The following HS3ST3A1 variants were observed in gnomAD, a reference collection of about 807,000 sequenced individuals.
HS3ST3A1 encodes the protein heparan sulfate-glucosamine 3-sulfotransferase 3A1.
A neutral mutation model predicts 25.7 loss-of-function variants in HS3ST3A1; 19 were observed. The observed-to-expected ratio is 0.74, with a 90% confidence interval of 0.52 to 1.08. HS3ST3A1 has a LOEUF of 1.08. Among genes scored for constraint, HS3ST3A1 ranks in the 50% least tolerant of loss-of-function variants. The pLI is 0.00. For missense variants in HS3ST3A1, 459 were observed against 594.3 expected, an observed-to-expected ratio of 0.77 and a Z score of 2.37; for synonymous variants, 226 against 278.6, an observed-to-expected ratio of 0.81 and a Z score of 1.88.
At position 13,593,453 on chromosome 17, in the gene HS3ST3A1, G is replaced by A. The variant is rs535652876; in HGVS notation, c.599+7078C>T. On this transcript the variant is annotated intron_variant, in intron 1 of 1. Transcript: ENST00000284110. ...GAATACAAAACTGTCTCTGTGCTTG[G>A]TTCGGAAACAAGAGAGTAGGAGGGA... is the stretch of plus-strand genomic sequence containing the variant. 2.0e-5 allele frequency among the ~76,000 whole-genome samples: 3 copies of A among 152,256 alleles called. No individual in the cohort carries two copies. The East Asian group carries it at 5.8e-4, about 29-fold the overall frequency.
Position 13,601,458 on chromosome 17 carries a change from A to C in HS3ST3A1, c.-329T>G. On this transcript the variant is annotated 5_prime_UTR_variant, in exon 1 of 2. Transcript: ENST00000284110. ...TCGGTTCCCCGCAAGAGTCGCCGGAATCGGGGTCTTGGCAGCGGTGTCGAA... is the reference window on the plus strand; with the variant it reads ...TCGGTTCCCCGCAAGAGTCGCCGGACTCGGGGTCTTGGCAGCGGTGTCGAA... 3.9e-6 allele frequency: 1 copy of C among 253,512 alleles called. No homozygotes were observed. The highest frequency in any genetic ancestry group is 7.4e-6 in the Non-Finnish European group (1 of 134,470). 15.7% of individuals were successfully genotyped at this position (253,512 alleles called of 1,614,324 possible).
At chr17:13,594,521 C>T (rs1053401772) in intron 1 of HS3ST3A1, among the ~76,000 whole-genome samples, 2 of 152,142 alleles carry the variant, frequency 1.3e-5, no homozygotes, top group Admixed American at 6.6e-5. Context: ...AGGAACAGGC[C>T]TGCATTACTG....
chr17:13,496,033 T>G lies in HS3ST3A1; in HGVS notation c.*164A>C. ...TTCTGTTGATCCACGTGTTTGGTGT[T>G]GGTTATACATTAAGATGGGGCGGGA... On this transcript the variant is annotated 3_prime_UTR_variant, in exon 2 of 2. Coordinates refer to ENST00000284110, the MANE Select transcript of HS3ST3A1 (RefSeq NM_006042.3). 1 of 829,922 alleles carries G rather than the reference T, an allele frequency of 1.2e-6. No homozygotes were observed. Among genetic ancestry groups the G allele is most frequent in the Non-Finnish European group, 1.8e-6 (1 of 565,548 alleles). 51.4% of individuals were successfully genotyped at this position (829,922 alleles called of 1,614,324 possible). A position where few individuals can be genotyped will look rare whatever the true frequency, so the allele number is the denominator to read the frequency against.
intron 1 of HS3ST3A1, among the ~76,000 whole-genome samples, chr17:13,529,709 T>C (rs1009258811): frequency 2.6e-5 from 4 of 152,182 alleles, no homozygotes; most frequent in Admixed American, 1.3e-4. Context: ...AAGAAAGATA[T>C]GGAAATAACA....
At chr17:13,516,528 A>G (rs2142313175) in intron 1 of HS3ST3A1, among the ~76,000 whole-genome samples, 1 of 152,266 alleles carries the variant, frequency 6.6e-6, no homozygotes, top group African/African-American at 2.4e-5. Flanking sequence ...CCTGTGTATG[A>G]ACTCTTTGCC....
intron 1 of HS3ST3A1, among the ~76,000 whole-genome samples, chr17:13,529,805 C>T (rs925547075): frequency 2.0e-5 from 3 of 152,052 alleles, no homozygotes; most frequent in African/African-American, 7.2e-5. Context: ...CCCAAAGTCT[C>T]CTTGTAAATG....
In HS3ST3A1 at chr17:13,514,922, T is replaced by A. The variant is rs74489859; in HGVS notation, c.600-18104A>T. 5.6e-3 allele frequency among the ~76,000 whole-genome samples: 850 copies of A among 152,174 alleles called. 8 individuals are homozygous for A. The highest frequency in any genetic ancestry group is 0.02 in the African/African-American group (810 of 41,512). ...TTTTACTGAGGAACATAAAAGAAAA[T>A]TTATATCAATAAAAGCCATATAATT... is the stretch of plus-strand genomic sequence containing the variant. On this transcript the variant is annotated intron_variant, in intron 1 of 1. Transcript: ENST00000284110.
intron 1 of HS3ST3A1, among the ~76,000 whole-genome samples, chr17:13,555,199 T>C (rs1193736932): frequency 6.6e-6 from 1 of 152,146 alleles, no homozygotes; most frequent in African/African-American, 2.4e-5. Context: ...GTGGGCCTTT[T>C]CTGCCTGGAG....
chr17:13,525,616 C>T (rs1240479481), intron 1 of HS3ST3A1, among the ~76,000 whole-genome samples: 1 of 152,100 alleles, frequency 6.6e-6, no homozygotes, highest in Non-Finnish European at 1.5e-5. Context: ...CCTGTTTTCT[C>T]CCATTTCATA....
intron 1 of HS3ST3A1, among the ~76,000 whole-genome samples, chr17:13,529,854 A>T (rs988120993): frequency 6.6e-6 from 1 of 151,062 alleles, no homozygotes; most frequent in African/African-American, 2.4e-5. Context: ...ATGGCTAAGC[A>T]GGTGGGTTCT....
At chr17:13,497,495 T>C (rs1326294458) in intron 1 of HS3ST3A1, among the ~76,000 whole-genome samples, 1 of 152,266 alleles carries the variant, frequency 6.6e-6, no homozygotes, top group Non-Finnish European at 1.5e-5. Flanking sequence ...TCTGACTTTC[T>C]GTTGTTCAAC....
Position 13,544,493 on chromosome 17 carries a change from C to T in HS3ST3A1, c.600-47675G>A, listed in dbSNP as rs373814223. Among the ~76,000 whole-genome samples the T allele has an allele frequency of 7.0e-4, 107 of 152,308 alleles. 2 individuals carry two copies. The South Asian group carries it at 0.021, about 30-fold the overall frequency. ...GGCTCGCTGCCTGGGAGCAGTTTTA[C>T]TGTTTCACATTTCTTTCATTCATCA... On this transcript the variant is annotated intron_variant, in intron 1 of 1. Transcript: ENST00000284110.
intron 1 of HS3ST3A1, among the ~76,000 whole-genome samples, chr17:13,566,172 G>T (rs115670948): frequency 7.8e-4 from 119 of 152,236 alleles, no homozygotes; most frequent in African/African-American, 2.4e-3. Context: ...ATGCTCACAT[G>T]CTGTGTCTCT....
At chr17:13,576,402 C>G (rs1330415333) in intron 1 of HS3ST3A1, among the ~76,000 whole-genome samples, 1 of 152,236 alleles carries the variant, frequency 6.6e-6, no homozygotes, top group South Asian at 2.1e-4. Context: ...TCCATAGGCG[C>G]TGCTCACAAA....
intron 1 of HS3ST3A1, among the ~76,000 whole-genome samples, chr17:13,543,806 C>T (rs887345535): frequency 4.6e-5 from 7 of 152,134 alleles, no homozygotes; most frequent in Admixed American, 2.6e-4. Context: ...AAGATCCCAT[C>T]TCATAAATAA....
chr17:13,527,522 G>A (rs1005387257), intron 1 of HS3ST3A1, among the ~76,000 whole-genome samples: 2 of 152,090 alleles, frequency 1.3e-5, no homozygotes, highest in African/African-American at 2.4e-5. Flanking sequence ...ATCACCCCAG[G>A]AGCGGAGTGG....
intron 1 of HS3ST3A1, among the ~76,000 whole-genome samples, chr17:13,570,942 CTG>C (rs1907788730): frequency 6.6e-6 from 1 of 152,098 alleles, no homozygotes; most frequent in Non-Finnish European, 1.5e-5. Context: ...GAGAAGGAAA[CTG>C]AGACGCAGGC....
intron 1 of HS3ST3A1, among the ~76,000 whole-genome samples, chr17:13,556,587 C>T (rs991818744): frequency 1.3e-5 from 2 of 150,298 alleles, no homozygotes; most frequent in Admixed American, 1.3e-4. Context: ...GTCATGGTGG[C>T]TCATGCCTGT....
intron 1 of HS3ST3A1, among the ~76,000 whole-genome samples, chr17:13,592,946 C>A (rs542081859): frequency 6.6e-6 from 1 of 152,270 alleles, no homozygotes; most frequent in South Asian, 2.1e-4. Flanking sequence ...TGCAAAGAAA[C>A]TGATCCTCCA....
Sources: allele counts gnomAD v4.1 joint callset (sites outside exome capture counted in the v4.1 genomes callset), GRCh38; gene constraint gnomAD v4.1.1; transcripts MANE v1.5; gene names NCBI Gene and HGNC (gene_info 2026-07-23, HGNC 2026-07-21).